The following TENM4 variants were observed in gnomAD, a reference collection of about 807,000 sequenced individuals.
The protein encoded by TENM4 is teneurin transmembrane protein 4.
In TENM4, 82 loss-of-function variants were observed where a neutral mutation model predicts 243.3. The observed-to-expected ratio is 0.34, with a 90% confidence interval of 0.28 to 0.40. The LOEUF is 0.40. TENM4 is among the 10% of genes least tolerant of loss of function. TENM4 has a pLI of 1.00. For missense variants in TENM4, 3,138 were observed against 3,673.3 expected (o/e 0.85, Z 3.77); for synonymous variants, 1,412 against 1,456.3 (o/e 0.97, Z 0.69).
At chr11:78,945,313 CT>C (rs1364511940) in intron 6 of TENM4, among the ~76,000 whole-genome samples, 1 of 152,152 alleles carries the variant, frequency 6.6e-6, no homozygotes, top group East Asian at 1.9e-4. Flanking sequence ...ATTACTATCT[CT>C]GTTATGGTGA....
intron 2 of TENM4, among the ~76,000 whole-genome samples, chr11:79,273,440 G>A (rs1856001994): frequency 6.6e-6 from 1 of 152,152 alleles, no homozygotes; most frequent in Non-Finnish European, 1.5e-5. Context: ...TGGGACTTGG[G>A]TTTCATGAGG....
At chr11:78,865,819 T>A (rs1396540486) in intron 9 of TENM4, among the ~76,000 whole-genome samples, 1 of 152,202 alleles carries the variant, frequency 6.6e-6, no homozygotes, top group Admixed American at 6.5e-5. Context: ...GGAAAGAAAC[T>A]AGTTTTGAAT....
At chr11:79,045,470 C>T (rs552906273) in intron 6 of TENM4, among the ~76,000 whole-genome samples, 1 of 152,258 alleles carries the variant, frequency 6.6e-6, no homozygotes, top group South Asian at 2.1e-4. Context: ...AGGCTCAGCC[C>T]TTTCCTCTCC....
Position 78,854,331 on chromosome 11 carries a change from G to A in TENM4, c.1471-17C>T. On this transcript the variant is annotated splice_polypyrimidine_tract_variant and intron_variant, in intron 11 of 33. Transcript: ENST00000278550. ...AAAGTCAAACTGAAAGACAGAGAAA[G>A]CACAGTTAGCAGTGGGTCTGTTCCA... is the stretch of plus-strand genomic sequence containing the variant. 1 of 1,483,994 alleles carries A rather than the reference G, an allele frequency of 6.7e-7. No homozygotes were observed. Among genetic ancestry groups the A allele is most frequent in the East Asian group, 2.5e-5 (1 of 40,190 alleles). The allele number at this position is 1,483,994 out of a possible 1,614,324, so 91.9% of individuals were successfully genotyped here. A position where few individuals can be genotyped will look rare whatever the true frequency, so the allele number is the denominator to read the frequency against.
At chr11:79,014,080 C>T (rs1028029489) in intron 6 of TENM4, among the ~76,000 whole-genome samples, 26 of 152,114 alleles carry the variant, frequency 1.7e-4, no homozygotes, top group South Asian at 2.1e-4. Context: ...CCTCAGAGCC[C>T]GGCACAGTCT....
intron 2 of TENM4, among the ~76,000 whole-genome samples, chr11:79,266,490 C>A (rs989386238): frequency 5.9e-5 from 9 of 152,204 alleles, no homozygotes; most frequent in Non-Finnish European, 1.2e-4. Context: ...GCAGGAGGAG[C>A]TCCTGTGCCC....
chr11:79,103,049 C>G (rs963140060), intron 4 of TENM4, among the ~76,000 whole-genome samples: 1 of 152,126 alleles, frequency 6.6e-6, no homozygotes, highest in Non-Finnish European at 1.5e-5. Flanking sequence ...GAGGGGTGTT[C>G]CCTGTGCTCA....
intron 4 of TENM4, among the ~76,000 whole-genome samples, chr11:79,137,879 A>C (rs1401201270): frequency 6.6e-6 from 1 of 152,032 alleles, no homozygotes; most frequent in African/African-American, 2.4e-5. Flanking sequence ...ATTATGTATG[A>C]TCTCAAGAGA....
At chr11:79,239,507 T>C (rs1864548287) in intron 2 of TENM4, among the ~76,000 whole-genome samples, 1 of 152,124 alleles carries the variant, frequency 6.6e-6, no homozygotes, top group African/African-American at 2.4e-5. Context: ...ACTTAGGAGA[T>C]GGCAGAGACC....
chr11:79,127,049 C>T (rs115131800), intron 4 of TENM4, among the ~76,000 whole-genome samples: 7,661 of 152,242 alleles, frequency 0.05, 650 homozygotes, highest in African/African-American at 0.18. Context: ...ATAGTGGGTC[C>T]AGTGGGTTCC....
chr11:78,783,086 G>C (rs1050510086), intron 16 of TENM4, among the ~76,000 whole-genome samples: 2 of 152,142 alleles, frequency 1.3e-5, no homozygotes, highest in Non-Finnish European at 2.9e-5. Flanking sequence ...GAGACAAGGG[G>C]CACTGAGGTA....
intron 6 of TENM4, among the ~76,000 whole-genome samples, chr11:79,064,204 C>A (rs1412822310): frequency 6.6e-6 from 1 of 152,194 alleles, no homozygotes; most frequent in Non-Finnish European, 1.5e-5. Flanking sequence ...ACTTACTCCT[C>A]CTAACTGAAA....
At chr11:79,406,605 T>C (rs1458773346) in intron 1 of TENM4, among the ~76,000 whole-genome samples, 1 of 152,116 alleles carries the variant, frequency 6.6e-6, no homozygotes, top group Non-Finnish European at 1.5e-5. Context: ...CGCAACCATT[T>C]GGTCCCAGTC....
chr11:78,897,853 C>A (rs1367580615), intron 7 of TENM4, among the ~76,000 whole-genome samples: 1 of 152,206 alleles, frequency 6.6e-6, no homozygotes, highest in Non-Finnish European at 1.5e-5. Context: ...GCCCCCATCC[C>A]TGAGGGTGGG....
intron 6 of TENM4, among the ~76,000 whole-genome samples, chr11:79,013,418 C>T (rs940127540): frequency 6.6e-6 from 1 of 152,218 alleles, no homozygotes; most frequent in African/African-American, 2.4e-5. Flanking sequence ...TCAGACTTGT[C>T]CTGTTGTTAT....
chr11:79,427,249 A>G (rs1486287414), intron 1 of TENM4, among the ~76,000 whole-genome samples: 2 of 152,230 alleles, frequency 1.3e-5, no homozygotes, highest in Non-Finnish European at 2.9e-5. Flanking sequence ...AAAAAGCTGC[A>G]TTATCTTTGA....
At chr11:78,912,405 C>T (rs1856209375) in intron 6 of TENM4, among the ~76,000 whole-genome samples, 1 of 152,202 alleles carries the variant, frequency 6.6e-6, no homozygotes, top group African/African-American at 2.4e-5. Context: ...CAGCCGCACG[C>T]CACCATGCCT....
intron 9 of TENM4, among the ~76,000 whole-genome samples, chr11:78,863,915 T>C (rs970725250): frequency 3.9e-5 from 6 of 152,252 alleles, no homozygotes; most frequent in African/African-American, 1.4e-4. Context: ...TAATTTGTTA[T>C]AGCAAAATAT....
intron 3 of TENM4, among the ~76,000 whole-genome samples, chr11:79,163,021 C>T (rs1261227481): frequency 2.0e-5 from 3 of 152,216 alleles, no homozygotes; most frequent in Non-Finnish European, 4.4e-5. Context: ...CATGGTCCTT[C>T]TGCCTAAAAG....
Sources: allele counts gnomAD v4.1 joint callset (sites outside exome capture counted in the v4.1 genomes callset), GRCh38; gene constraint gnomAD v4.1.1; transcripts MANE v1.5; gene names NCBI Gene and HGNC (gene_info 2026-07-23, HGNC 2026-07-21).